The following TENM3 variants were observed in gnomAD, a reference collection of about 807,000 sequenced individuals.
The protein encoded by TENM3 is teneurin transmembrane protein 3.
Under a neutral mutation model 255.1 loss-of-function variants are expected in TENM3, and 63 were observed. That is an observed-to-expected ratio of 0.25 (90% confidence interval 0.20 to 0.30). The LOEUF (loss-of-function observed/expected upper bound fraction) is 0.30. Ranked by LOEUF, TENM3 falls within the 10% of genes least tolerant of loss-of-function variation. TENM3 has a pLI of 1.00. For synonymous variants in TENM3, 1,306 were observed against 1,322.3 expected (o/e 0.99, Z 0.27); for missense variants, 2,929 against 3,461.1 (o/e 0.85, Z 3.86).
At chr4:182,076,113 G>T in the TENM3 span, among the ~76,000 whole-genome samples, 1 of 151,772 alleles carries the variant, frequency 6.6e-6, no homozygotes, top group East Asian at 1.9e-4. Context: ...GTCTCACTAT[G>T]TTGCCCAGGC....
At chr4:182,649,105 TGTA>T (rs1753026890) in intron 5 of TENM3, among the ~76,000 whole-genome samples, 2 of 134,524 alleles carry the variant, frequency 1.5e-5, no homozygotes, top group Admixed American at 7.3e-5. Flanking sequence ...AACAGACTTT[TGTA>T]GATGCACTGG....
At chr4:182,346,418 G>A (rs1278316057) in intron 2 of TENM3, among the ~76,000 whole-genome samples, 3 of 152,024 alleles carry the variant, frequency 2.0e-5, no homozygotes, top group African/African-American at 7.2e-5. Flanking sequence ...GGTACTTATG[G>A]GCTTAAAGAG....
At chr4:181,623,612 A>G in the TENM3 span, among the ~76,000 whole-genome samples, 1 of 152,226 alleles carries the variant, frequency 6.6e-6, no homozygotes, top group African/African-American at 2.4e-5. Context: ...ATTCTTAAAA[A>G]TCTGTGAAAT....
the TENM3 span, among the ~76,000 whole-genome samples, chr4:181,709,183 C>T: frequency 6.6e-6 from 1 of 152,072 alleles, no homozygotes; most frequent in East Asian, 1.9e-4. Context: ...TCAAAGTTTC[C>T]TAGATTCCTT....
chr4:182,220,696 T>C (rs940143513), intron 1 of TENM3, among the ~76,000 whole-genome samples: 1 of 152,232 alleles, frequency 6.6e-6, no homozygotes, highest in Admixed American at 6.5e-5. Context: ...AATTGTAGTC[T>C]TATGATTACA....
chr4:181,570,613 GAGAA>G, the TENM3 span, among the ~76,000 whole-genome samples: 210 of 150,744 alleles, frequency 1.4e-3, 2 homozygotes, highest in Middle Eastern at 6.8e-3. Context: ...AAGGAAGAAA[GAGAA>G]AGAAAGAAAG....
intron 12 of TENM3, among the ~76,000 whole-genome samples, chr4:182,691,645 T>C (rs1294766941): frequency 2.6e-5 from 4 of 152,198 alleles, no homozygotes; most frequent in African/African-American, 9.7e-5. Flanking sequence ...CGTCTGCAGG[T>C]TCATCATCCC....
intron 4 of TENM3, among the ~76,000 whole-genome samples, chr4:182,623,662 CT>C (rs1250712542): frequency 6.6e-6 from 1 of 152,048 alleles, no homozygotes; most frequent in Non-Finnish European, 1.5e-5. Context: ...CTAGAATCTT[CT>C]CTTCAGGCAG....
At chr4:181,939,709 C>A in the TENM3 span, among the ~76,000 whole-genome samples, 3 of 152,134 alleles carry the variant, frequency 2.0e-5, no homozygotes, top group Admixed American at 2.0e-4. Flanking sequence ...GGTTGGGGTG[C>A]GGGGCGCTCA....
chr4:182,391,487 A>G (rs1169696222), intron 3 of TENM3, among the ~76,000 whole-genome samples: 3 of 152,210 alleles, frequency 2.0e-5, no homozygotes, highest in Non-Finnish European at 2.9e-5. Context: ...TAAGGAGGCC[A>G]GCGTCCTGCA....
chr4:181,604,468 T>C, the TENM3 span, among the ~76,000 whole-genome samples: 141 of 151,526 alleles, frequency 9.3e-4, no homozygotes, highest in Non-Finnish European at 1.4e-3. Flanking sequence ...GGGGGACATC[T>C]CAGTCTTCCC....
chr4:181,659,264 TAAAC>T, the TENM3 span, among the ~76,000 whole-genome samples: 5 of 152,162 alleles, frequency 3.3e-5, no homozygotes, highest in African/African-American at 1.2e-4. Flanking sequence ...ATCCTATAAA[TAAAC>T]AAGAATTTTA....
chr4:182,132,120 A>G, the TENM3 span, among the ~76,000 whole-genome samples: 10 of 152,238 alleles, frequency 6.6e-5, no homozygotes, highest in African/African-American at 2.4e-4. Context: ...GCCTTCAACC[A>G]TCATTCAAAA....
At chr4:181,910,476 T>C in the TENM3 span, among the ~76,000 whole-genome samples, 727 of 150,362 alleles carry the variant, frequency 4.8e-3, 4 homozygotes, top group African/African-American at 0.017. Flanking sequence ...AGGTGGAGGT[T>C]GCAATGAGCC....
intron 3 of TENM3, among the ~76,000 whole-genome samples, chr4:182,553,252 G>A (rs556082764): frequency 5.3e-5 from 8 of 151,896 alleles, no homozygotes; most frequent in East Asian, 1.9e-4. Context: ...GAGCCACCAC[G>A]CCCAGCAGTG....
intron 1 of TENM3, among the ~76,000 whole-genome samples, chr4:182,289,186 C>T (rs1018091126): frequency 5.3e-5 from 8 of 152,212 alleles, no homozygotes; most frequent in East Asian, 3.9e-4. Context: ...GCTGTGATTG[C>T]GCCACCGCAC....
At chr4:182,701,710 C>G (rs1285425962) in intron 12 of TENM3, among the ~76,000 whole-genome samples, 1 of 152,154 alleles carries the variant, frequency 6.6e-6, no homozygotes, top group African/African-American at 2.4e-5. Flanking sequence ...TGAATTGTGA[C>G]CAGTGTAAGA....
the TENM3 span, among the ~76,000 whole-genome samples, chr4:181,869,936 T>C: frequency 1.3e-5 from 2 of 152,128 alleles, no homozygotes; most frequent in Non-Finnish European, 2.9e-5. Context: ...CATTGAGCCA[T>C]TAATGTGAAA....
chr4:181,850,554 GT>G, the TENM3 span, among the ~76,000 whole-genome samples: 1 of 151,912 alleles, frequency 6.6e-6, no homozygotes, highest in African/African-American at 2.4e-5. Context: ...ATATCGAGAG[GT>G]TTTTTAGATT....
Sources: gnomAD v4.1 joint callset for allele counts (sites outside exome capture counted in the v4.1 genomes callset) on GRCh38, gnomAD v4.1.1 for gene constraint, MANE v1.5 for transcripts, NCBI Gene and HGNC (gene_info 2026-07-23, HGNC 2026-07-21) for gene names.